Variants in TMA16 observed in about 807,000 individuals in gnomAD.
TMA16 encodes translation machinery associated 16 homolog, also known as translation machinery-associated protein 16.
TMA16 carries 26 observed loss-of-function variants against 27.1 expected under a neutral mutation model. The ratio of observed to expected loss-of-function variants is 0.96; its 90% CI spans 0.70 to 1.33. The LOEUF is 1.33. Among genes scored for constraint, TMA16 ranks in the 40% most tolerant of loss-of-function variants. The pLI is 0.00. For missense variants in TMA16, 233 were observed against 241.4 expected, an observed-to-expected ratio of 0.97 and a Z score of 0.23; for synonymous variants, 71 against 81.9, an observed-to-expected ratio of 0.87 and a Z score of 0.72.
At chr4:163,513,525 A>T (rs1324102458) in intron 3 of TMA16, among the ~76,000 whole-genome samples, 1 of 152,112 alleles carries the variant, frequency 6.6e-6, no homozygotes, top group Non-Finnish European at 1.5e-5. Flanking sequence ...CTTTGGTAAT[A>T]TATATCAATT....
Position 163,520,323 on chromosome 4 carries a change from C to A in TMA16, c.*809C>A. On this transcript the variant is annotated 3_prime_UTR_variant, in exon 7 of 7. Transcript: ENST00000358572. ...TGTCATGAAAAACATGAATGTTGTA[C>A]AATTTTCTTCCTCAAAAAACTTTTT... is the stretch of plus-strand genomic sequence containing the variant. The A allele has an allele frequency of 5.9e-6, 1 of 170,928 alleles. No homozygotes were observed. Among genetic ancestry groups the A allele is most frequent in the Non-Finnish European group, 1.2e-5 (1 of 81,136 alleles). The allele number at this position is 170,928 out of a possible 1,614,324, so 10.6% of individuals were successfully genotyped here.
intron 1 of TMA16, among the ~76,000 whole-genome samples, chr4:163,498,538 C>T (rs1180275720): frequency 3.9e-5 from 6 of 152,230 alleles, no homozygotes; most frequent in East Asian, 3.9e-4. Flanking sequence ...CTGCCCGCCT[C>T]GGCCTCCCAA....
intron 5 of TMA16, 48 bp from the exon 6 acceptor site, chr4:163,517,386 T>C: frequency 6.7e-7 from 1 of 1,502,924 alleles, no homozygotes; most frequent in Non-Finnish European, 9.2e-7. Context: ...TAAAATTATG[T>C]GATTTAGAAA....
intron 5 of TMA16, 199 bp from the exon 6 acceptor site, chr4:163,517,235 T>G: frequency 1.7e-6 from 1 of 584,500 alleles, no homozygotes; most frequent in East Asian, 3.0e-5. Flanking sequence ...GATTCTATGC[T>G]AGAATTTATC....
At position 163,520,457 on chromosome 4, in the gene TMA16, C is replaced by G. The variant is rs1305241247; in HGVS notation, c.*943C>G. The G allele has an allele frequency of 6.6e-6, 1 of 151,702 alleles. No individual in the cohort carries two copies. The highest frequency in any genetic ancestry group is 1.5e-5 in the Non-Finnish European group (1 of 67,994). The allele number at this position is 151,702 out of a possible 1,614,324, so 9.4% of individuals were successfully genotyped here. ...ATGCAGTATTAGGTTAACTGGATATCAACTAAGCCTTGTTAACAGTTAAAG... is the reference window on the plus strand; with the variant it reads ...ATGCAGTATTAGGTTAACTGGATATGAACTAAGCCTTGTTAACAGTTAAAG... On this transcript the variant is annotated 3_prime_UTR_variant, in exon 7 of 7. Transcript: ENST00000358572.
intron 5 of TMA16, chr4:163,515,917 T>C (rs1315759608): frequency 6.2e-6 from 1 of 160,016 alleles, no homozygotes; most frequent in Non-Finnish European, 1.4e-5. Flanking sequence ...GCCCAGTTGC[T>C]CAGATCAGAA....
chr4:163,498,143 C>T (rs1737588699), intron 1 of TMA16, among the ~76,000 whole-genome samples: 2 of 152,062 alleles, frequency 1.3e-5, no homozygotes, highest in Non-Finnish European at 2.9e-5. Context: ...TTACTTAACC[C>T]GATCTGTGAT....
chr4:163,498,965 G>T (rs1308230051), intron 1 of TMA16, among the ~76,000 whole-genome samples: 1 of 152,090 alleles, frequency 6.6e-6, no homozygotes, highest in East Asian at 1.9e-4. Context: ...AGCCCTGATG[G>T]GTACTATCAA....
Position 163,512,845 on chromosome 4 carries a change from G to A in TMA16, c.140G>A (p.Arg47His), listed in dbSNP as rs780046809. ...KEKLKNEKAL[R>H]LNLVGEKLQW... is the part of the protein sequence containing the mutation. The stretch of plus-strand genomic sequence containing the variant: ...AGATTGAAGAATGAAAAGGCCTTGC[G>A]TCTCAACCTTGTTGGTAAGTGGGTT... The change falls in exon 3 of 7, where the codon CGT becomes CAT. Residue 47 changes from arginine (R) to histidine (H), a missense_variant. Transcript: ENST00000358572. 23 of 1,605,914 alleles carry A rather than the reference G, an allele frequency of 1.4e-5. No homozygotes were observed. The highest frequency in any genetic ancestry group is 4.0e-5 in the African/African-American group (3 of 74,784).
chr4:163,507,972 T>C (rs1395924040), intron 2 of TMA16, among the ~76,000 whole-genome samples: 1 of 152,060 alleles, frequency 6.6e-6, no homozygotes, highest in African/African-American at 2.4e-5. Flanking sequence ...AGGTTACCTG[T>C]TTCACAGTGA....
At chr4:163,508,797 A>G (rs1232465014) in intron 2 of TMA16, among the ~76,000 whole-genome samples, 2 of 152,224 alleles carry the variant, frequency 1.3e-5, no homozygotes, top group Admixed American at 1.3e-4. Context: ...CCGTGAGCCT[A>G]CAATGTTTGT....
At chr4:163,515,090 G>T (rs1737854443) in intron 4 of TMA16, among the ~76,000 whole-genome samples, 1 of 152,128 alleles carries the variant, frequency 6.6e-6, no homozygotes, top group African/African-American at 2.4e-5. Flanking sequence ...GGTTGAATGT[G>T]AGGGTCTGCA....
Position 163,519,388 on chromosome 4 carries a change from C to T in TMA16, c.486C>T (p.Cys162=), listed in dbSNP as rs753059737. 159 of 1,602,298 alleles carry T rather than the reference C, an allele frequency of 9.9e-5. No homozygotes were observed. The highest frequency in any genetic ancestry group is 1.3e-4 in the Non-Finnish European group (147 of 1,175,696). The change falls in exon 7 of 7, where the codon TGC becomes TGT. Residue 162 remains cysteine (C), a synonymous_variant. Coordinates refer to ENST00000358572, the MANE Select transcript of TMA16 (RefSeq NM_018352.3). The part of the protein sequence containing the change: ...KLPNIKMRKI[C]ANDAIPKTCK... ...CAAACATTAAAATGAGAAAAATTTG[C>T]GCTAATGATGCAATTCCCAAGACGT...
At chr4:163,500,955 T>C (rs1032139493) in intron 1 of TMA16, among the ~76,000 whole-genome samples, 32 of 152,218 alleles carry the variant, frequency 2.1e-4, no homozygotes, top group Non-Finnish European at 5.9e-5. Context: ...CTGATCTATT[T>C]TGTGTGTGAC....
In TMA16 at chr4:163,520,208, T is replaced by C. The variant is rs1176526505; in HGVS notation, c.*694T>C. Reference sequence around the variant, plus strand: ...TTTTATTGTGAAAAGAGGTAGGTTTTATTTGTGGAGAGAGAGTTGAAGATT... The same window carrying C: ...TTTTATTGTGAAAAGAGGTAGGTTTCATTTGTGGAGAGAGAGTTGAAGATT... On this transcript the variant is annotated 3_prime_UTR_variant, in exon 7 of 7. Coordinates refer to ENST00000358572, the MANE Select transcript of TMA16 (RefSeq NM_018352.3). 2.1e-5 allele frequency: 6 copies of C among 289,936 alleles called. No homozygotes were observed. The highest frequency in any genetic ancestry group is 3.8e-5 in the Non-Finnish European group (6 of 159,386). The allele number at this position is 289,936 out of a possible 1,614,324, so 18.0% of individuals were successfully genotyped here.
intron 2 of TMA16, among the ~76,000 whole-genome samples, chr4:163,510,995 G>A (rs557677990): frequency 6.6e-6 from 1 of 152,276 alleles, no homozygotes; most frequent in Non-Finnish European, 1.5e-5. Context: ...TAATTGTTGG[G>A]TAGATGTTTG....
chr4:163,496,504 T>A (rs1737555118), intron 1 of TMA16, among the ~76,000 whole-genome samples: 1 of 152,226 alleles, frequency 6.6e-6, no homozygotes, highest in Non-Finnish European at 1.5e-5. Context: ...TATCAAAATT[T>A]AGTTTACCTG....
At chr4:163,504,034 C>A (rs182834992) in intron 1 of TMA16, among the ~76,000 whole-genome samples, 1 of 152,040 alleles carries the variant, frequency 6.6e-6, no homozygotes, top group African/African-American at 2.4e-5. Context: ...GCTATGAGGA[C>A]GTTTTTATAT....
At chr4:163,496,918 C>T (rs1442124914) in intron 1 of TMA16, among the ~76,000 whole-genome samples, 1 of 152,188 alleles carries the variant, frequency 6.6e-6, no homozygotes, top group East Asian at 1.9e-4. Context: ...TCCCAAAGTG[C>T]TGTGATTACA....
Sources: gnomAD v4.1 joint callset for allele counts (sites outside exome capture counted in the v4.1 genomes callset) on GRCh38, gnomAD v4.1.1 for gene constraint, MANE v1.5 for transcripts, NCBI Gene and HGNC (gene_info 2026-07-23, HGNC 2026-07-21) for gene names.